Variants in PPFIA2 observed in about 807,000 individuals in gnomAD.
PPFIA2 encodes liprin-alpha-2.
PPFIA2 carries 46 observed loss-of-function variants against 175.5 expected under a neutral mutation model. The observed-to-expected ratio is 0.26, with a 90% confidence interval of 0.21 to 0.34. The LOEUF (loss-of-function observed/expected upper bound fraction) is 0.34, where lower values mean the gene tolerates loss of function less well. Ranked by LOEUF, PPFIA2 falls within the 10% of genes least tolerant of loss-of-function variation. The pLI, the probability that PPFIA2 is intolerant of heterozygous loss-of-function variation, is 1.00. For synonymous variants in PPFIA2, 568 were observed against 511.4 expected (o/e 1.11, Z -1.49); for missense variants, 1,179 against 1,506.1 (o/e 0.78, Z 3.60).
chr12:81,418,874 T>TCTGTCTAC (rs759190172), intron 7 of PPFIA2, among the ~76,000 whole-genome samples: 8 of 151,970 alleles, frequency 5.3e-5, no homozygotes, highest in Non-Finnish European at 1.0e-4. Flanking sequence ...CACATGCTAT[T>TCTGTCTAC]TTGTCTACTC....
chr12:81,642,984 CTT>C (rs1491348437), intron 4 of PPFIA2, among the ~76,000 whole-genome samples: 24 of 143,472 alleles, frequency 1.7e-4, no homozygotes, highest in African/African-American at 4.1e-4. Flanking sequence ...TTATATATCT[CTT>C]ATGTGTATAT....
chr12:81,690,865 T>C (rs149029909), intron 3 of PPFIA2, among the ~76,000 whole-genome samples: 3 of 152,278 alleles, frequency 2.0e-5, no homozygotes, highest in East Asian at 1.9e-4. Flanking sequence ...GCTTATGGCC[T>C]CTTCCTCCAT....
chr12:81,470,650 A>G (rs1182556075), intron 4 of PPFIA2, among the ~76,000 whole-genome samples: 1 of 152,242 alleles, frequency 6.6e-6, no homozygotes, highest in Non-Finnish European at 1.5e-5. Context: ...CATTATATCT[A>G]AAAGGTGGAA....
At chr12:81,659,770 C>T (rs1015406862) in intron 4 of PPFIA2, among the ~76,000 whole-genome samples, 1 of 152,192 alleles carries the variant, frequency 6.6e-6, no homozygotes, top group African/African-American at 2.4e-5. Flanking sequence ...AAGTGAGTCC[C>T]TGACCCCTGA....
intron 4 of PPFIA2, among the ~76,000 whole-genome samples, chr12:81,516,565 T>C (rs543964535): frequency 6.6e-6 from 1 of 151,988 alleles, no homozygotes; most frequent in South Asian, 2.1e-4. Flanking sequence ...CAGGAGAAAT[T>C]TGGACAGAGA....
At chr12:81,710,420 T>C (rs1478604941) in intron 3 of PPFIA2, among the ~76,000 whole-genome samples, 5 of 152,090 alleles carry the variant, frequency 3.3e-5, no homozygotes, top group African/African-American at 9.7e-5. Flanking sequence ...TGTAATGTTT[T>C]AGATTTAAAT....
chr12:81,571,315 G>T (rs1171318619), intron 4 of PPFIA2, among the ~76,000 whole-genome samples: 1 of 152,000 alleles, frequency 6.6e-6, no homozygotes, highest in Non-Finnish European at 1.5e-5. Flanking sequence ...AAGGAAGAAG[G>T]AAAAAATATC....
At chr12:81,260,774 A>G (rs1045716417) in intron 32 of PPFIA2, 1 of 152,194 alleles carries the variant, frequency 6.6e-6, no homozygotes, top group Non-Finnish European at 1.5e-5. Flanking sequence ...TCCTCTGTCT[A>G]TAACTGTTTT....
intron 24 of PPFIA2, among the ~76,000 whole-genome samples, chr12:81,285,204 G>C (rs1401443580): frequency 1.3e-5 from 2 of 151,978 alleles, no homozygotes; most frequent in Non-Finnish European, 2.9e-5. Context: ...GAAGGTATTG[G>C]CCCCTGGAAA....
At chr12:81,590,825 C>T (rs543672065) in intron 4 of PPFIA2, among the ~76,000 whole-genome samples, 2 of 152,176 alleles carry the variant, frequency 1.3e-5, no homozygotes, top group Non-Finnish European at 2.9e-5. Flanking sequence ...GTCCTTTAAA[C>T]ATCTTTTTCT....
chr12:81,649,902 G>A (rs955556094), intron 4 of PPFIA2, among the ~76,000 whole-genome samples: 1 of 152,098 alleles, frequency 6.6e-6, no homozygotes, highest in African/African-American at 2.4e-5. Flanking sequence ...GACTCAAAAG[G>A]GGCCCAGGGA....
At chr12:81,693,389 C>T (rs995865948) in intron 3 of PPFIA2, among the ~76,000 whole-genome samples, 1 of 151,872 alleles carries the variant, frequency 6.6e-6, no homozygotes, top group Non-Finnish European at 1.5e-5. Context: ...GGAACCTCCC[C>T]TCTAACTTTC....
chr12:81,721,663 C>T (rs1040896524), intron 3 of PPFIA2, among the ~76,000 whole-genome samples: 4 of 151,118 alleles, frequency 2.6e-5, no homozygotes, highest in Admixed American at 6.6e-5. Context: ...TAAAAGTTTA[C>T]GATGAGAAAA....
intron 3 of PPFIA2, among the ~76,000 whole-genome samples, chr12:81,727,828 T>C (rs1333765943): frequency 2.0e-5 from 3 of 151,426 alleles, no homozygotes; most frequent in Non-Finnish European, 4.4e-5. Flanking sequence ...TAGCTGAGTA[T>C]GTCTGAATCT....
chr12:81,420,768 C>G (rs557246037), intron 7 of PPFIA2, among the ~76,000 whole-genome samples: 37 of 151,542 alleles, frequency 2.4e-4, no homozygotes, highest in Non-Finnish European at 1.3e-4. Flanking sequence ...GAAATAACAG[C>G]TGAAAAATCC....
At chr12:81,304,829 T>C (rs915663963) in intron 22 of PPFIA2, among the ~76,000 whole-genome samples, 4 of 152,050 alleles carry the variant, frequency 2.6e-5, no homozygotes, top group African/African-American at 7.2e-5. Flanking sequence ...ATTCTAAACA[T>C]AGTAAGAAGC....
chr12:81,389,584 C>G (rs1164972123), intron 8 of PPFIA2, among the ~76,000 whole-genome samples: 1 of 151,822 alleles, frequency 6.6e-6, no homozygotes, highest in African/African-American at 2.4e-5. Context: ...TTCTCATTAC[C>G]TTAAATAGAT....
At chr12:81,274,624 T>C (rs1489277356) in intron 28 of PPFIA2, among the ~76,000 whole-genome samples, 6 of 152,182 alleles carry the variant, frequency 3.9e-5, no homozygotes, top group East Asian at 3.9e-4. Flanking sequence ...AAACAATAAA[T>C]GGCTAGAAAT....
chr12:81,485,440 C>T (rs1555421756), intron 4 of PPFIA2, among the ~76,000 whole-genome samples: 1 of 151,544 alleles, frequency 6.6e-6, no homozygotes. Context: ...GTGTCACTTC[C>T]AATATATTTT....
Sources: gnomAD v4.1 joint callset for allele counts (sites outside exome capture counted in the v4.1 genomes callset) on GRCh38, gnomAD v4.1.1 for gene constraint, MANE v1.5 for transcripts, NCBI Gene and HGNC (gene_info 2026-07-23, HGNC 2026-07-21) for gene names.